Variants in PFAS observed in about 807,000 individuals in gnomAD.
PFAS encodes the protein FGAM synthase.
A neutral mutation model predicts 140.6 loss-of-function variants in PFAS; 97 were observed. The observed-to-expected ratio is 0.69, with a 90% CI of 0.59 to 0.82. The LOEUF is 0.82. PFAS is among the 40% of genes least tolerant of loss of function. PFAS has a pLI of 0.00. For synonymous variants in PFAS, 679 were observed against 718.8 expected, an observed-to-expected ratio of 0.94 and a Z score of 0.88; for missense variants, 1,656 against 1,780.2, an observed-to-expected ratio of 0.93 and a Z score of 1.26.
At chr17:8,261,221 A>T (rs1411030984) in intron 11 of PFAS, among the ~76,000 whole-genome samples, 3 of 150,002 alleles carry the variant, frequency 2.0e-5, no homozygotes, top group African/African-American at 7.3e-5. Context: ...AATGATGTTG[A>T]GCGTGTTTTC....
Position 8,267,046 on chromosome 17 carries a change from G to C in PFAS, c.2986G>C (p.Gly996Arg). 6.2e-7 allele frequency: 1 copy of C among 1,613,984 alleles called. No homozygotes were observed. Among genetic ancestry groups the C allele is most frequent in the Non-Finnish European group, 8.5e-7 (1 of 1,180,030 alleles). The change falls in exon 24 of 28, where the codon GGG (glycine) becomes CGG (arginine). Residue 996 changes from glycine (G) to arginine (R), a missense_variant. Physicochemically the swap from Gly to Arg is moderately radical, Grantham distance 125. This residue lies in a region of PFAS where 883 missense variants were observed against 1,023.0 expected (regional missense o/e 0.86). Transcript: ENST00000314666. The surrounding 1 kb of genome is among the most constrained non-coding windows in gnomAD (Gnocchi z 4.9). ...PHAMVRVSVN[G>R]AVVLEEPVGE... ...TTCCTAGGTCCGGGTGTCAGTGAACGGGGCTGTGGTTCTGGAGGAGCCTGT... is the reference window on the plus strand; with the variant it reads ...TTCCTAGGTCCGGGTGTCAGTGAACCGGGCTGTGGTTCTGGAGGAGCCTGT...
intron 1 of PFAS, chr17:8,249,569 A>C (rs1033750149): frequency 6.6e-6 from 1 of 152,244 alleles, no homozygotes. Flanking sequence ...TGTCCCATTC[A>C]TGGATTCAGC....
chr17:8,268,372 C>CA (rs372234499), intron 26 of PFAS, among the ~76,000 whole-genome samples, 161 bp from the exon 27 acceptor site: 604 of 40,268 alleles, frequency 0.015, 9 homozygotes, highest in Middle Eastern at 0.11. Context: ...GATTCCATCT[C>CA]AAAAAAAAAA....
chr17:8,264,372 GT>G, intron 16 of PFAS, 35 bp downstream of exon 16: 1 of 1,612,692 alleles, frequency 6.2e-7, no homozygotes, highest in Non-Finnish European at 8.5e-7. Context: ...TTTTCCTGTG[GT>G]CCTCTCCACA....
rs757249662 is a variant in PFAS, at chr17:8,267,197, C to T, written c.3137C>T (p.Pro1046Leu). The change falls in exon 24 of 28, where the codon CCC (proline) becomes CTC (leucine). Residue 1046 changes from proline (P) to leucine (L), a missense_variant. Physicochemically the swap from Pro to Leu is moderately conservative, Grantham distance 98. Coordinates refer to ENST00000314666, the MANE Select transcript of PFAS (RefSeq NM_012393.3). This position sits in a 1 kb window ranked among gnomAD's most constrained non-coding sequence, Gnocchi z 4.9. ...CGGATGGGGCCCAGCTATTGCCTGC[C>T]CCCCACCTTTCCCAAAGCCTCCGTG... ...RERMGPSYCL[P>L]PTFPKASVPR... is the part of the protein sequence containing the mutation. 2.4e-5 allele frequency: 39 copies of T among 1,606,590 alleles called. No individual in the cohort carries two copies. Among genetic ancestry groups the T allele is most frequent in the Non-Finnish European group, 3.1e-5 (36 of 1,177,226 alleles).
At chr17:8,265,147 A>G (rs759111548) in intron 18 of PFAS, 22 bp downstream of exon 18, 1 of 1,596,620 alleles carries the variant, frequency 6.3e-7, no homozygotes, top group Non-Finnish European at 8.6e-7. Flanking sequence ...CACAGCTTCT[A>G]TCCTGGAGCC....
In PFAS at chr17:8,256,596, G is replaced by A. The variant is rs751085022; in HGVS notation, c.894G>A (p.Gln298=). 11 of 1,614,074 alleles carry A rather than the reference G, an allele frequency of 6.8e-6. No homozygotes were observed. Among genetic ancestry groups the A allele is most frequent in the South Asian group, 1.1e-5 (1 of 91,094 alleles). Residue 298 remains glutamine (Q), a synonymous_variant, in exon 8 of 28, where the codon CAG becomes CAA. Transcript: ENST00000314666. ...CACGGCCAAGCCGCTTCCAGCAACA[G>A]CAAGGGCTGAGACATGTTGTCTTCA... The part of the protein sequence containing the change: ...DPTRPSRFQQ[Q]QGLRHVVFTA...
In PFAS at chr17:8,265,090, A is replaced by G. The variant is rs146379979; in HGVS notation, c.2245A>G (p.Thr749Ala). Residue 749 changes from threonine to alanine, a missense_variant, in exon 18 of 28, where the codon ACC (threonine) becomes GCC (alanine). Coordinates refer to ENST00000314666, the MANE Select transcript of PFAS (RefSeq NM_012393.3). ...AARLAVAEALTNLVFALVTDL... is the reference protein window; with the variant it reads ...AARLAVAEALANLVFALVTDL... ...CCGGCTGGCCGTGGCCGAAGCCCTCACCAACCTGGTGTTTGCTCTGGTCAC... is the reference window on the plus strand; with the variant it reads ...CCGGCTGGCCGTGGCCGAAGCCCTCGCCAACCTGGTGTTTGCTCTGGTCAC... 3.8e-5 allele frequency: 62 copies of G among 1,613,038 alleles called. 1 individual carries two copies. Among genetic ancestry groups the G allele is most frequent in the Admixed American group, 2.2e-4 (13 of 59,990 alleles).
intron 27 of PFAS, 31 bp downstream of exon 27, chr17:8,268,887 C>A (rs375643370): frequency 1.2e-6 from 2 of 1,611,646 alleles, no homozygotes; most frequent in Admixed American, 1.7e-5. Flanking sequence ...GGGGAGGGCC[C>A]GAGGGTTGGG....
chr17:8,254,156 C>G lies in PFAS; in HGVS notation c.143-10C>G. On this transcript the variant is annotated splice_polypyrimidine_tract_variant and intron_variant, in intron 2 of 27. Coordinates refer to ENST00000314666, the MANE Select transcript of PFAS (RefSeq NM_012393.3). Reference sequence around the variant, plus strand: ...GTGTCTCAAGGTGTCCTTGCCCTGTCTCCCTGCAGCTGAGGCCCTCCCCAG... The same window carrying G: ...GTGTCTCAAGGTGTCCTTGCCCTGTGTCCCTGCAGCTGAGGCCCTCCCCAG... 1 of 1,614,132 alleles carries G rather than the reference C, an allele frequency of 6.2e-7. No homozygotes were observed. Among genetic ancestry groups the G allele is most frequent in the Non-Finnish European group, 8.5e-7 (1 of 1,180,010 alleles).
At chr17:8,259,968 G>A (rs1360579371) in intron 11 of PFAS, among the ~76,000 whole-genome samples, 2 of 151,984 alleles carry the variant, frequency 1.3e-5, no homozygotes, top group Non-Finnish European at 2.9e-5. Flanking sequence ...GGGTGTGGTG[G>A]CGCGCACCTA....
At chr17:8,257,408 T>G (rs1989414739) in intron 9 of PFAS, among the ~76,000 whole-genome samples, 1 of 152,036 alleles carries the variant, frequency 6.6e-6, no homozygotes. Context: ...TACAAAAAAT[T>G]AGCTGGGCGT....
chr17:8,259,353 C>G (rs4792691), intron 11 of PFAS, among the ~76,000 whole-genome samples: 15,148 of 152,078 alleles, frequency 0.1, 1,283 homozygotes, highest in East Asian at 0.3. Flanking sequence ...TCACTGTGGC[C>G]TTGAGCTCCT....
intron 17 of PFAS, 124 bp from the exon 18 acceptor site, chr17:8,264,771 A>C: frequency 1.0e-6 from 1 of 982,002 alleles, no homozygotes; most frequent in Non-Finnish European, 1.5e-6. Context: ...CCTTCTAAGT[A>C]GAGCTGTTGT....
chr17:8,247,838 T>C (rs1597406967), upstream of PFAS: 1 of 663,466 alleles, frequency 1.5e-6, no homozygotes, highest in East Asian at 2.8e-5. Context: ...GGAATAAACA[T>C]TCGCAGAACC....
intron 12 of PFAS, 36 bp downstream of exon 12, chr17:8,263,029 T>C: frequency 6.2e-7 from 1 of 1,610,994 alleles, no homozygotes; most frequent in South Asian, 1.1e-5. Flanking sequence ...GAATCCTTGA[T>C]ATAACCGGGC....
At chr17:8,250,865 T>C (rs1989121327) in intron 1 of PFAS, among the ~76,000 whole-genome samples, 1 of 152,012 alleles carries the variant, frequency 6.6e-6, no homozygotes, top group Non-Finnish European at 1.5e-5. Context: ...AGGATTAGGA[T>C]GAAGTGTGAA....
Position 8,267,320 on chromosome 17 carries a change from G to A in PFAS, c.3176-52G>A. The A allele has an allele frequency of 6.3e-7, 1 of 1,596,200 alleles. No individual in the cohort carries two copies. The highest frequency in any genetic ancestry group is 8.6e-7 in the Non-Finnish European group (1 of 1,164,464). On this transcript the variant is annotated intron_variant, in intron 24 of 27. Coordinates refer to ENST00000314666, the MANE Select transcript of PFAS (RefSeq NM_012393.3). The surrounding 1 kb of genome is among the most constrained non-coding windows in gnomAD (Gnocchi z 4.9). ...CTGCCCTCAGAAAGGTGTCTGGGGA[G>A]TTGGGGTGGGGAAGTGACTTTCTGG...
At position 8,250,367 on chromosome 17, in the gene PFAS, A is replaced by G. The variant is rs139667617; in HGVS notation, c.-80+1028A>G. On this transcript the variant is annotated intron_variant, in intron 1 of 27. Coordinates refer to ENST00000314666, the MANE Select transcript of PFAS (RefSeq NM_012393.3). ...GTTAATGCATTGGTCCAGGTGAGTG[A>G]TGGTGGTGGCTTACTTGAACTAGAG... Among the ~76,000 whole-genome samples, 33 of 152,308 alleles carry G rather than the reference A, an allele frequency of 2.2e-4. 1 individual carries two copies. The highest frequency in any genetic ancestry group is 7.7e-4 in the African/African-American group (32 of 41,570).
Sources: gnomAD v4.1 joint callset for allele counts (sites outside exome capture counted in the v4.1 genomes callset) on GRCh38, gnomAD v4.1.1 for gene constraint, gnomAD v4.1.1 regional missense constraint, Gnocchi (gnomAD v3.1) non-coding constraint, MANE v1.5 for transcripts, NCBI Gene and HGNC (gene_info 2026-07-23, HGNC 2026-07-21) for gene names.